EIF2AK3: variants seen among roughly 807,000 people sequenced by gnomAD.
EIF2AK3 encodes eukaryotic translation initiation factor 2-alpha kinase 3.
In EIF2AK3, 50 loss-of-function variants were observed where a neutral mutation model predicts 113.5. That is an observed-to-expected ratio of 0.44 (90% CI 0.35 to 0.56). EIF2AK3 has a LOEUF of 0.56. EIF2AK3 is among the 20% of genes least tolerant of loss of function. EIF2AK3 has a pLI of 0.00. For synonymous variants in EIF2AK3, 448 were observed against 495.4 expected, an observed-to-expected ratio of 0.90 and a Z score of 1.27; for missense variants, 1,185 against 1,378.0, an observed-to-expected ratio of 0.86 and a Z score of 2.22.
chr2:88,624,199 G>A (rs1339519147), intron 1 of EIF2AK3, among the ~76,000 whole-genome samples: 1 of 152,052 alleles, frequency 6.6e-6, no homozygotes, highest in Non-Finnish European at 1.5e-5. Context: ...CATCATGTTG[G>A]CCAGGCCGGT....
intron 2 of EIF2AK3, among the ~76,000 whole-genome samples, chr2:88,602,642 A>G (rs1040893685): frequency 2.6e-5 from 4 of 152,222 alleles, no homozygotes; most frequent in African/African-American, 9.6e-5. Context: ...TTACAAATAA[A>G]TAATTCTTAC....
At chr2:88,605,642 A>G (rs1675251789) in intron 2 of EIF2AK3, among the ~76,000 whole-genome samples, 1 of 152,196 alleles carries the variant, frequency 6.6e-6, no homozygotes, top group Admixed American at 6.5e-5. Context: ...ATTAACAAGT[A>G]TATGTCTGTA....
At chr2:88,583,214 G>A (rs956113776) in intron 10 of EIF2AK3, among the ~76,000 whole-genome samples, 29 of 151,952 alleles carry the variant, frequency 1.9e-4, no homozygotes, top group African/African-American at 5.8e-4. Context: ...ACTTAATTTG[G>A]TAGCTGAAAT....
At chr2:88,593,078 G>A (rs1047148132) in intron 4 of EIF2AK3, among the ~76,000 whole-genome samples, 194 bp downstream of exon 4, 5 of 152,078 alleles carry the variant, frequency 3.3e-5, no homozygotes, top group African/African-American at 9.7e-5. Context: ...GGAGGTGGAG[G>A]TTGCAGTGAG....
intron 14 of EIF2AK3, among the ~76,000 whole-genome samples, chr2:88,566,648 GT>G (rs896616802): frequency 6.6e-5 from 10 of 152,078 alleles, no homozygotes; most frequent in Non-Finnish European, 1.3e-4. Flanking sequence ...ATTTAGGAGG[GT>G]TTTAAAATTT....
chr2:88,598,945 T>G (rs928995270), intron 2 of EIF2AK3, among the ~76,000 whole-genome samples: 2 of 151,338 alleles, frequency 1.3e-5, no homozygotes, highest in African/African-American at 2.4e-5. Context: ...AGAGTGAGAG[T>G]GGGCAAGAGG....
chr2:88,606,504 G>C (rs2104459234), intron 2 of EIF2AK3, among the ~76,000 whole-genome samples: 1 of 152,124 alleles, frequency 6.6e-6, no homozygotes, highest in South Asian at 2.1e-4. Context: ...TTAAATATTG[G>C]CTTGCTACAT....
chr2:88,590,590 C>T lies in EIF2AK3; in HGVS notation c.1018G>A (p.Ala340Thr). 3 of 1,612,868 alleles carry T rather than the reference C, an allele frequency of 1.9e-6. No homozygotes were observed. The highest frequency in any genetic ancestry group is 2.5e-6 in the Non-Finnish European group (3 of 1,179,896). ...CCATCCTTAAGTAACCAGGCAGATG[C>T]AATTGGAGTACAAAACTAAACAAAA... The part of the protein sequence containing the change: ...EWEYQFCTPI[A>T]SAWLLKDGKV... The change falls in exon 6 of 17, where the codon GCA becomes ACA. Residue 340 changes from alanine to threonine, a missense_variant. Physicochemically the swap from Ala to Thr is moderately conservative, Grantham distance 58. Transcript: ENST00000303236.
intron 1 of EIF2AK3, among the ~76,000 whole-genome samples, chr2:88,626,737 TGCTCTGACCCGTCG>T (rs1675868869): frequency 6.6e-6 from 1 of 152,258 alleles, no homozygotes; most frequent in Non-Finnish European, 1.5e-5. Flanking sequence ...GCGAGGATGC[TGCTCTGACCCGTCG>T]GCCAGCACCA....
rs1673809837 is a variant in EIF2AK3 at position 88,557,469 on chromosome 2, G to A, written c.*267C>T. The A allele has an allele frequency of 2.0e-6, 1 of 502,808 alleles. No individual in the cohort carries two copies. Among genetic ancestry groups the A allele is most frequent in the African/African-American group, 1.9e-5 (1 of 51,860 alleles). The allele number at this position is 502,808 out of a possible 1,614,324, so 31.1% of individuals were successfully genotyped here. Reference sequence around the variant, plus strand: ...TTGCTGCTACCTCCTTAGGCAAATGGTGAGGGCTATAAAGCTTGGCCAGCA... The same window carrying A: ...TTGCTGCTACCTCCTTAGGCAAATGATGAGGGCTATAAAGCTTGGCCAGCA... On this transcript the variant is annotated 3_prime_UTR_variant, in exon 17 of 17. Transcript: ENST00000303236.
intron 2 of EIF2AK3, among the ~76,000 whole-genome samples, chr2:88,599,297 C>A (rs1357350450): frequency 6.6e-6 from 1 of 152,046 alleles, no homozygotes; most frequent in Non-Finnish European, 1.5e-5. Context: ...CTTAGCATAA[C>A]TATTTTATTC....
chr2:88,574,584 T>A, intron 13 of EIF2AK3, 82 bp downstream of exon 13: 1 of 1,521,902 alleles, frequency 6.6e-7, no homozygotes, highest in South Asian at 1.2e-5. Context: ...CTCTTAAGGA[T>A]CCTTCAGAGT....
intron 2 of EIF2AK3, among the ~76,000 whole-genome samples, chr2:88,605,443 C>T (rs1016327155): frequency 1.3e-5 from 2 of 152,124 alleles, no homozygotes; most frequent in Admixed American, 1.3e-4. Flanking sequence ...AACATGGATT[C>T]ACATCTGTTT....
intron 2 of EIF2AK3, among the ~76,000 whole-genome samples, chr2:88,603,939 TTAC>T (rs1675210187): frequency 6.6e-6 from 1 of 152,136 alleles, no homozygotes; most frequent in Admixed American, 6.5e-5. Context: ...TGTTCTTAAT[TTAC>T]TACTAAATCC....
chr2:88,623,362 G>A (rs1675780913), intron 1 of EIF2AK3, among the ~76,000 whole-genome samples: 1 of 152,060 alleles, frequency 6.6e-6, no homozygotes, highest in African/African-American at 2.4e-5. Flanking sequence ...GTTTATTTTA[G>A]CTAACTTTTA....
intron 11 of EIF2AK3, 98 bp from the exon 12 acceptor site, chr2:88,576,801 A>T (rs1674471998): frequency 6.2e-6 from 8 of 1,282,456 alleles, no homozygotes; most frequent in Admixed American, 2.6e-5. Flanking sequence ...ATGTAGATGT[A>T]TTATATACCA....
intron 1 of EIF2AK3, among the ~76,000 whole-genome samples, chr2:88,626,509 C>T (rs1307734543): frequency 6.6e-6 from 1 of 152,224 alleles, no homozygotes; most frequent in Non-Finnish European, 1.5e-5. Flanking sequence ...GATCTCAATC[C>T]TTGTCCGGGG....
intron 2 of EIF2AK3, among the ~76,000 whole-genome samples, chr2:88,608,610 C>A (rs1248809751): frequency 6.6e-6 from 1 of 151,548 alleles, no homozygotes; most frequent in Non-Finnish European, 1.5e-5. Context: ...AGGTTAAGGA[C>A]CTTAAGAAAA....
In EIF2AK3 at chr2:88,588,760, C is replaced by T. The variant is rs750939022; in HGVS notation, c.1306+1G>A. On this transcript the variant is annotated splice_donor_variant, in intron 7 of 16. Coordinates refer to ENST00000303236, the MANE Select transcript of EIF2AK3 (RefSeq NM_004836.7). LOFTEE classifies it high-confidence loss of function. ...TTTAGAAAAGTTTACAATTCACTTACGAATTAAGGGTTTCCATTTGATTGT... is the reference window on the plus strand; with the variant it reads ...TTTAGAAAAGTTTACAATTCACTTATGAATTAAGGGTTTCCATTTGATTGT... The T allele has an allele frequency of 2.5e-6, 4 of 1,613,382 alleles. No individual in the cohort carries two copies. Among genetic ancestry groups the T allele is most frequent in the South Asian group, 2.2e-5 (2 of 91,078 alleles).
Sources: allele counts gnomAD v4.1 joint callset (sites outside exome capture counted in the v4.1 genomes callset), GRCh38; gene constraint gnomAD v4.1.1; transcripts MANE v1.5; gene names NCBI Gene and HGNC (gene_info 2026-07-23, HGNC 2026-07-21).